The following DLG2 variants were observed in gnomAD, a reference collection of about 807,000 sequenced individuals.
DLG2 encodes the protein discs large MAGUK scaffold protein 2.
DLG2 carries 45 observed loss-of-function variants against 132.5 expected under a neutral mutation model. The ratio of observed to expected loss-of-function variants is 0.34; its 90% CI spans 0.27 to 0.44. DLG2 has a LOEUF of 0.44. DLG2 is among the 20% of genes least tolerant of loss of function. The pLI is 1.00. For missense variants in DLG2, 1,045 were observed against 1,196.9 expected (o/e 0.87, Z 1.87); for synonymous variants, 424 against 419.6 (o/e 1.01, Z -0.13).
intron 6 of DLG2, among the ~76,000 whole-genome samples, chr11:85,083,597 G>A (rs2067525702): frequency 6.6e-6 from 1 of 152,146 alleles, no homozygotes. Context: ...ACTTGGTATG[G>A]AAGGTAGGAC....
At chr11:84,764,885 G>T (rs1224404021) in intron 6 of DLG2, among the ~76,000 whole-genome samples, 1 of 152,028 alleles carries the variant, frequency 6.6e-6, no homozygotes, top group Non-Finnish European at 1.5e-5. Context: ...AATGTAGGCA[G>T]GTTCAGTTCA....
chr11:84,547,497 T>G (rs2099392564), intron 6 of DLG2, among the ~76,000 whole-genome samples: 2 of 152,196 alleles, frequency 1.3e-5, no homozygotes, highest in African/African-American at 4.8e-5. Context: ...TACCATGTGC[T>G]AGAGATGTAA....
intron 4 of DLG2, among the ~76,000 whole-genome samples, chr11:85,267,696 A>G (rs1307945088): frequency 1.3e-5 from 2 of 152,232 alleles, no homozygotes; most frequent in Admixed American, 1.3e-4. Context: ...TAACCCTTTA[A>G]AAGAAAATTT....
At chr11:85,293,496 T>C (rs1282540169) in intron 3 of DLG2, among the ~76,000 whole-genome samples, 1 of 152,184 alleles carries the variant, frequency 6.6e-6, no homozygotes, top group Non-Finnish European at 1.5e-5. Flanking sequence ...GAACATAGCA[T>C]AATTTCTGTA....
chr11:83,760,530 A>C (rs912127025), intron 18 of DLG2, among the ~76,000 whole-genome samples: 1 of 148,488 alleles, frequency 6.7e-6, no homozygotes, highest in African/African-American at 2.5e-5. Context: ...AATTTTTGTT[A>C]TTTTTAGTAG....
At chr11:84,256,584 C>T (rs2097475574) in intron 7 of DLG2, among the ~76,000 whole-genome samples, 1 of 152,088 alleles carries the variant, frequency 6.6e-6, no homozygotes, top group Non-Finnish European at 1.5e-5. Context: ...TGTCATTACG[C>T]CAATTTAAAT....
At chr11:85,605,568 G>A (rs1258402580) in intron 2 of DLG2, among the ~76,000 whole-genome samples, 1 of 152,128 alleles carries the variant, frequency 6.6e-6, no homozygotes, top group Non-Finnish European at 1.5e-5. Context: ...TCCAGACACT[G>A]GGAACACAGT....
intron 20 of DLG2, among the ~76,000 whole-genome samples, chr11:83,533,921 A>G (rs1041164425): frequency 6.6e-6 from 1 of 152,100 alleles, no homozygotes; most frequent in Non-Finnish European, 1.5e-5. Flanking sequence ...TGAAGGAGGG[A>G]AGGAGCAGAA....
chr11:84,866,440 T>A (rs932860527), intron 6 of DLG2, among the ~76,000 whole-genome samples: 3 of 151,080 alleles, frequency 2.0e-5, no homozygotes, highest in African/African-American at 7.4e-5. Context: ...AATGTTACAC[T>A]GAGGGAAGGC....
At chr11:83,520,197 T>A (rs895173431) in intron 21 of DLG2, among the ~76,000 whole-genome samples, 1 of 152,220 alleles carries the variant, frequency 6.6e-6, no homozygotes, top group Non-Finnish European at 1.5e-5. Flanking sequence ...TCAAGTGAGA[T>A]AGGCTTTCAC....
chr11:85,188,556 C>T (rs2080297407), intron 4 of DLG2, among the ~76,000 whole-genome samples: 1 of 152,064 alleles, frequency 6.6e-6, no homozygotes, highest in African/African-American at 2.4e-5. Flanking sequence ...CTAACAATGA[C>T]TTTAAAGCAA....
chr11:84,073,754 G>A (rs139843565), intron 10 of DLG2, among the ~76,000 whole-genome samples: 18 of 152,198 alleles, frequency 1.2e-4, no homozygotes, highest in Admixed American at 7.2e-4. Context: ...AAATTAAACC[G>A]TAAGTCTGAA....
At chr11:85,109,774 G>A (rs1418798046) in intron 6 of DLG2, among the ~76,000 whole-genome samples, 1 of 152,036 alleles carries the variant, frequency 6.6e-6, no homozygotes, top group Non-Finnish European at 1.5e-5. Flanking sequence ...CAACTGAATG[G>A]AATTACTAAA....
intron 22 of DLG2, chr11:83,480,338 A>G: frequency 6.5e-7 from 1 of 1,527,184 alleles, no homozygotes; most frequent in Non-Finnish European, 8.8e-7. Context: ...GGCAATTGCA[A>G]AGAAAATAAC....
intron 6 of DLG2, among the ~76,000 whole-genome samples, chr11:84,778,987 G>A (rs2071197132): frequency 1.3e-5 from 2 of 152,160 alleles, no homozygotes; most frequent in African/African-American, 4.8e-5. Context: ...ACCTACGCCA[G>A]TGGTTTGCCA....
intron 21 of DLG2, among the ~76,000 whole-genome samples, chr11:83,512,201 G>T (rs1323389954): frequency 6.6e-6 from 1 of 152,138 alleles, no homozygotes; most frequent in Non-Finnish European, 1.5e-5. Context: ...GAGGTGCAAA[G>T]CCACCCCTTC....
chr11:84,758,846 C>A (rs2067227911), intron 6 of DLG2, among the ~76,000 whole-genome samples: 1 of 152,136 alleles, frequency 6.6e-6, no homozygotes, highest in Non-Finnish European at 1.5e-5. Context: ...CTACAAAATA[C>A]ACAAGCAATT....
chr11:84,509,171 T>C (rs2099250444), intron 7 of DLG2, among the ~76,000 whole-genome samples: 1 of 152,206 alleles, frequency 6.6e-6, no homozygotes. Context: ...GGATAAGAGA[T>C]ATATCATACA....
chr11:85,412,480 T>C (rs1285053704), intron 3 of DLG2, among the ~76,000 whole-genome samples: 1 of 151,672 alleles, frequency 6.6e-6, no homozygotes, highest in African/African-American at 2.4e-5. Context: ...CTGGGCAGTA[T>C]ACACTGCACC....
Sources: allele counts gnomAD v4.1 joint callset (sites outside exome capture counted in the v4.1 genomes callset), GRCh38; gene constraint gnomAD v4.1.1; transcripts MANE v1.5; gene names NCBI Gene and HGNC (gene_info 2026-07-23, HGNC 2026-07-21).